Variants in MPP7 observed in about 807,000 individuals in gnomAD.
MPP7 encodes the protein MAGUK p55 scaffold protein 7, also known as MAGUK p55 subfamily member 7.
In MPP7, 60 loss-of-function variants were observed where a neutral mutation model predicts 76.5. The observed-to-expected ratio is 0.78, with a 90% CI of 0.64 to 0.97. The LOEUF (loss-of-function observed/expected upper bound fraction) is 0.97, where lower values mean the gene tolerates loss of function less well. MPP7 is among the 50% of genes least tolerant of loss of function. The pLI, the probability that MPP7 is intolerant of heterozygous loss-of-function variation, is 0.00. For synonymous variants in MPP7, 237 were observed against 244.5 expected, an observed-to-expected ratio of 0.97 and a Z score of 0.29; for missense variants, 641 against 694.0, an observed-to-expected ratio of 0.92 and a Z score of 0.86.
intron 6 of MPP7, among the ~76,000 whole-genome samples, chr10:28,128,252 T>C (rs930267658): frequency 6.6e-6 from 1 of 152,190 alleles, no homozygotes; most frequent in African/African-American, 2.4e-5. Context: ...TTGTCTGAAA[T>C]GCTTAGACCA....
At chr10:28,133,950 C>T (rs552453166) in intron 5 of MPP7, among the ~76,000 whole-genome samples, 37 of 152,168 alleles carry the variant, frequency 2.4e-4, no homozygotes, top group Non-Finnish European at 4.6e-4. Context: ...TTTCTTTACC[C>T]ATTATGCCTT....
chr10:28,093,844 G>A (rs1248772930), intron 11 of MPP7, among the ~76,000 whole-genome samples: 1 of 152,196 alleles, frequency 6.6e-6, no homozygotes, highest in African/African-American at 2.4e-5. Context: ...CAAAGATGGG[G>A]ACCATGTTGC....
intron 1 of MPP7, among the ~76,000 whole-genome samples, chr10:28,264,955 C>G (rs73608081): frequency 0.016 from 2,389 of 152,202 alleles, 68 homozygotes; most frequent in African/African-American, 0.052. Flanking sequence ...TATAAAAATA[C>G]TAATTAGAAG....
At chr10:28,279,041 C>G (rs950778003) in intron 1 of MPP7, among the ~76,000 whole-genome samples, 11 of 152,022 alleles carry the variant, frequency 7.2e-5, no homozygotes, top group Non-Finnish European at 1.3e-4. Flanking sequence ...AGCAGTCAAT[C>G]TCTATTTTGG....
intron 8 of MPP7, among the ~76,000 whole-genome samples, chr10:28,121,803 C>CT (rs1834849608): frequency 6.9e-6 from 1 of 145,776 alleles, no homozygotes; most frequent in African/African-American, 2.6e-5. Flanking sequence ...AACCAGGACT[C>CT]CATTTATTTA....
At chr10:28,055,415 A>G (rs1227696137) in intron 16 of MPP7, among the ~76,000 whole-genome samples, 1 of 152,226 alleles carries the variant, frequency 6.6e-6, no homozygotes, top group Admixed American at 6.5e-5. Flanking sequence ...AATATAAACT[A>G]AAGTTAATGA....
At chr10:28,246,158 A>G (rs1298050682) in intron 1 of MPP7, among the ~76,000 whole-genome samples, 2 of 152,206 alleles carry the variant, frequency 1.3e-5, no homozygotes, top group East Asian at 1.9e-4. Flanking sequence ...AAGACATATT[A>G]TAATTAAATT....
At chr10:28,219,083 CAAACTAT>C (rs1276338539) in intron 2 of MPP7, among the ~76,000 whole-genome samples, 70 of 152,292 alleles carry the variant, frequency 4.6e-4, no homozygotes, top group Non-Finnish European at 7.3e-5. Flanking sequence ...TCCACCTATA[CAAACTAT>C]AAAGAGAATT....
chr10:28,075,898 G>A (rs572968670), intron 12 of MPP7, among the ~76,000 whole-genome samples: 5 of 152,178 alleles, frequency 3.3e-5, no homozygotes, highest in African/African-American at 9.6e-5. Context: ...ATTCAACAAC[G>A]GCTTCCCTAG....
At chr10:28,262,477 T>C (rs1840023946) in intron 1 of MPP7, among the ~76,000 whole-genome samples, 1 of 151,626 alleles carries the variant, frequency 6.6e-6, no homozygotes, top group Admixed American at 6.6e-5. Context: ...ATTAAGCCAG[T>C]AACTGCAAGT....
chr10:28,114,458 C>T (rs1326048898), intron 11 of MPP7, among the ~76,000 whole-genome samples: 2 of 151,276 alleles, frequency 1.3e-5, no homozygotes, highest in African/African-American at 4.9e-5. Context: ...GATAAATGTG[C>T]TGTCTTAAGA....
chr10:28,058,534 A>C lies in MPP7; in HGVS notation c.1368T>G (p.Leu456=). 5.6e-6 allele frequency: 9 copies of C among 1,606,168 alleles called. No individual in the cohort carries two copies. Among genetic ancestry groups the C allele is most frequent in the Non-Finnish European group, 7.7e-6 (9 of 1,175,940 alleles). ...GTSIDSVRSV[L]AKNKVCLLDV... The stretch of plus-strand genomic sequence containing the variant: ...CCAACAAACAAACTTTGTTTTTAGC[A>C]AGGACAGACCGAACTGAGTCTATAC... The change falls in exon 15 of 17, where the codon CTT becomes CTG. Residue 456 remains leucine, a synonymous_variant. Transcript: ENST00000683449.
At chr10:28,153,129 C>A (rs573261107) in intron 3 of MPP7, among the ~76,000 whole-genome samples, 83 of 152,178 alleles carry the variant, frequency 5.5e-4, no homozygotes, top group African/African-American at 1.9e-3. Flanking sequence ...TGGCGCATAC[C>A]TATAGTCCTA....
intron 1 of MPP7, among the ~76,000 whole-genome samples, chr10:28,264,570 G>A (rs1056406344): frequency 6.7e-6 from 1 of 150,178 alleles, no homozygotes; most frequent in Non-Finnish European, 1.5e-5. Context: ...TGGCCTCAGG[G>A]AGCTTTTTTT....
At chr10:28,292,833 G>T (rs945341734) in intron 1 of MPP7, among the ~76,000 whole-genome samples, 1 of 152,120 alleles carries the variant, frequency 6.6e-6, no homozygotes, top group African/African-American at 2.4e-5. Flanking sequence ...AGCCTAAAAA[G>T]GTGAGAGAGA....
At chr10:28,092,531 G>C (rs978322473) in intron 11 of MPP7, among the ~76,000 whole-genome samples, 1 of 149,428 alleles carries the variant, frequency 6.7e-6, no homozygotes, top group African/African-American at 2.5e-5. Flanking sequence ...TGTTCATCTT[G>C]TTTTCTAGGT....
At chr10:28,313,656 A>T (rs1482647554) in intron 2 of MPP7, among the ~76,000 whole-genome samples, 1 of 152,118 alleles carries the variant, frequency 6.6e-6, no homozygotes, top group African/African-American at 2.4e-5. Flanking sequence ...GAAATTTATA[A>T]TTTAAGGCTC....
chr10:28,104,607 TG>T (rs770548088), intron 11 of MPP7, among the ~76,000 whole-genome samples: 37 of 152,194 alleles, frequency 2.4e-4, no homozygotes, highest in Non-Finnish European at 3.7e-4. Flanking sequence ...TGAGAGACTA[TG>T]ATCAAACTTG....
intron 1 of MPP7, among the ~76,000 whole-genome samples, chr10:28,272,370 T>G (rs943411078): frequency 6.6e-6 from 1 of 152,238 alleles, no homozygotes; most frequent in Non-Finnish European, 1.5e-5. Flanking sequence ...GTGCACTTTT[T>G]GGCACATATT....
Sources: gnomAD v4.1 joint callset for allele counts (sites outside exome capture counted in the v4.1 genomes callset) on GRCh38, gnomAD v4.1.1 for gene constraint, MANE v1.5 for transcripts, NCBI Gene and HGNC (gene_info 2026-07-23, HGNC 2026-07-21) for gene names.